Variants in ADAMTS18 observed in about 807,000 individuals in gnomAD.
ADAMTS18 encodes the protein ADAM metallopeptidase with thrombospondin type 1 motif 18, also known as A disintegrin and metalloproteinase with thrombospondin motifs 18.
In ADAMTS18, 157 loss-of-function variants were observed where a neutral mutation model predicts 165.9. The ratio of observed to expected loss-of-function variants is 0.95; its 90% CI spans 0.83 to 1.08. The LOEUF (loss-of-function observed/expected upper bound fraction) is 1.08. ADAMTS18 is among the 50% of genes least tolerant of loss of function. The pLI, the probability that ADAMTS18 is intolerant of heterozygous loss-of-function variation, is 0.00. For synonymous variants in ADAMTS18, 782 were observed against 578.2 expected, an observed-to-expected ratio of 1.35 and a Z score of -5.06; for missense variants, 2,040 against 1,534.0, an observed-to-expected ratio of 1.33 and a Z score of -5.51.
At chr16:77,360,608 A>G (rs536056069) in intron 7 of ADAMTS18, among the ~76,000 whole-genome samples, 1 of 152,266 alleles carries the variant, frequency 6.6e-6, no homozygotes, top group South Asian at 2.1e-4. Context: ...ATCATATGTC[A>G]CTTTGCACAT....
intron 3 of ADAMTS18, among the ~76,000 whole-genome samples, chr16:77,404,142 T>A (rs2057365840): frequency 6.6e-6 from 1 of 151,944 alleles, no homozygotes. Flanking sequence ...TAAAGACAAC[T>A]GTGTCTCCTA....
At chr16:77,284,807 G>GCTGT (rs1207021600) in intron 22 of ADAMTS18, among the ~76,000 whole-genome samples, 1 of 152,040 alleles carries the variant, frequency 6.6e-6, no homozygotes, top group Non-Finnish European at 1.5e-5. Flanking sequence ...ATTGAGAAGG[G>GCTGT]CTGTCAGAGG....
In ADAMTS18 at chr16:77,329,567, TTATAAC is replaced by T. The variant is rs145517886; in HGVS notation, c.1860-3535_1860-3530del. On this transcript the variant is annotated intron_variant, in intron 12 of 22. Transcript: ENST00000282849. ...CTAGGGCAGAGTCAGAATAAATAAA[TTATAAC>T]TATTTTTAAATGCCTTATGCTTTTG... is the stretch of plus-strand genomic sequence containing the variant. Among the ~76,000 whole-genome samples the T allele has an allele frequency of 4.2e-3, 634 of 152,296 alleles. 6 individuals carry two copies. Among genetic ancestry groups the T allele is most frequent in the African/African-American group, 0.015 (610 of 41,562 alleles).
chr16:77,384,670 G>A (rs2057080124), intron 3 of ADAMTS18, among the ~76,000 whole-genome samples: 1 of 152,128 alleles, frequency 6.6e-6, no homozygotes, highest in South Asian at 2.1e-4. Context: ...ACTGCCTGTA[G>A]CAGTGAAGAT....
At position 77,316,259 on chromosome 16, in the gene ADAMTS18, A is replaced by ATTTT. The variant is rs34042252; in HGVS notation, c.2532+3586_2532+3589dup. 2.3e-3 allele frequency among the ~76,000 whole-genome samples: 333 copies of ATTTT among 147,416 alleles called. 2 individuals carry two copies. Among genetic ancestry groups the ATTTT allele is most frequent in the East Asian group, 0.012 (58 of 4,978 alleles). On this transcript the variant is annotated intron_variant, in intron 16 of 22. Transcript: ENST00000282849. ...CTTATTTACATAGCAGCCTGGTTGAATTTTTTTTTTTTTTGAGACAGAGTC... is the reference window on the plus strand; with the variant it reads ...CTTATTTACATAGCAGCCTGGTTGAATTTTTTTTTTTTTTTTTTGAGACAGAGTC...
chr16:77,366,913 G>A (rs1237822457), intron 4 of ADAMTS18, among the ~76,000 whole-genome samples: 1 of 151,948 alleles, frequency 6.6e-6, no homozygotes, highest in East Asian at 1.9e-4. Flanking sequence ...AAAACTTGTG[G>A]CTATTAGAAA....
intron 16 of ADAMTS18, among the ~76,000 whole-genome samples, chr16:77,306,419 T>A (rs8063140): frequency 0.013 from 1,932 of 152,316 alleles, 45 homozygotes; most frequent in African/African-American, 0.044. Context: ...TTAAGGCACA[T>A]AAAATTAAAA....
At chr16:77,370,001 C>CA (rs1186699789) in intron 3 of ADAMTS18, among the ~76,000 whole-genome samples, 3 of 151,970 alleles carry the variant, frequency 2.0e-5, no homozygotes, top group Admixed American at 6.5e-5. Flanking sequence ...TTAATAGATG[C>CA]AAAAAAATGC....
At chr16:77,291,947 A>G (rs1280910051) in intron 20 of ADAMTS18, among the ~76,000 whole-genome samples, 1 of 152,182 alleles carries the variant, frequency 6.6e-6, no homozygotes, top group Non-Finnish European at 1.5e-5. Flanking sequence ...TTGCTCTTTA[A>G]ATATACCCAA....
chr16:77,419,996 G>T (rs1390183600), intron 3 of ADAMTS18, among the ~76,000 whole-genome samples: 4 of 86,462 alleles, frequency 4.6e-5, no homozygotes, highest in Non-Finnish European at 7.0e-5. Context: ...AGACTCTGTC[G>T]CAGATTAAAA....
In ADAMTS18 at chr16:77,335,870, T is replaced by G; in HGVS notation, c.1745A>C (p.Glu582Ala). ...GCCGTGGATGGGCCGGGGCCCGAGCTCCCCAAACTTTACGCACTGGCCTTG... is the reference window on the plus strand; with the variant it reads ...GCCGTGGATGGGCCGGGGCCCGAGCGCCCCAAACTTTACGCACTGGCCTTG... ...CRQGQCVKFG[E>A]LGPRPIHGQW... The change falls in exon 12 of 23, where the codon GAG becomes GCG. Residue 582 changes from glutamate (E) to alanine (A), a missense_variant. By Grantham distance (107) the Glu-to-Ala change is moderately radical (BLOSUM62 -1). Transcript: ENST00000282849. 2.5e-6 allele frequency: 4 copies of G among 1,614,094 alleles called. No homozygotes were observed. Among genetic ancestry groups the G allele is most frequent in the Non-Finnish European group, 3.4e-6 (4 of 1,180,014 alleles).
chr16:77,366,683 A>G (rs1374828500), intron 4 of ADAMTS18, among the ~76,000 whole-genome samples: 1 of 152,252 alleles, frequency 6.6e-6, no homozygotes, highest in Non-Finnish European at 1.5e-5. Context: ...TATACAAGTT[A>G]AATGCAGATT....
chr16:77,368,226 T>C (rs964970919), intron 3 of ADAMTS18, among the ~76,000 whole-genome samples: 1 of 152,106 alleles, frequency 6.6e-6, no homozygotes, highest in Non-Finnish European at 1.5e-5. Context: ...AAAGCTAGCA[T>C]GGGCACCCAG....
At chr16:77,376,641 T>G (rs568175465) in intron 3 of ADAMTS18, among the ~76,000 whole-genome samples, 1 of 152,278 alleles carries the variant, frequency 6.6e-6, no homozygotes, top group Admixed American at 6.5e-5. Flanking sequence ...ATACAGAAAT[T>G]CCATTATGTG....
At chr16:77,319,516 A>C (rs938705208) in intron 16 of ADAMTS18, among the ~76,000 whole-genome samples, 1 of 152,264 alleles carries the variant, frequency 6.6e-6, no homozygotes, top group South Asian at 2.1e-4. Context: ...ATCTTGGCTC[A>C]CTGCAACTTC....
intron 3 of ADAMTS18, among the ~76,000 whole-genome samples, chr16:77,407,766 C>T (rs2057411321): frequency 6.6e-6 from 1 of 151,938 alleles, no homozygotes; most frequent in Non-Finnish European, 1.5e-5. Flanking sequence ...CCTGCATTTC[C>T]TATCATCCAA....
intron 3 of ADAMTS18, among the ~76,000 whole-genome samples, chr16:77,422,670 G>A (rs2057618976): frequency 6.6e-6 from 1 of 151,584 alleles, no homozygotes; most frequent in Non-Finnish European, 1.5e-5. Flanking sequence ...GATAGAGGAA[G>A]GAAAGGATGA....
In ADAMTS18 at chr16:77,282,713, T is replaced by C. The variant is rs923786124; in HGVS notation, c.*1243A>G. ...ACACAGTATTATAATTACTTTGGTT[T>C]TGGCAAAATAGTGTGATGTTTTTTC... On this transcript the variant is annotated 3_prime_UTR_variant, in exon 23 of 23. Transcript: ENST00000282849. 3 of 152,712 alleles carry C rather than the reference T, an allele frequency of 2.0e-5. No homozygotes were observed. Among genetic ancestry groups the C allele is most frequent in the South Asian group, 4.1e-4 (2 of 4,826 alleles). The allele number at this position is 152,712 out of a possible 1,614,324, so 9.5% of individuals were successfully genotyped here.
At chr16:77,360,581 A>AAACACC (rs57517352) in intron 7 of ADAMTS18, among the ~76,000 whole-genome samples, 1 of 151,490 alleles carries the variant, frequency 6.6e-6, no homozygotes, top group East Asian at 1.9e-4. Context: ...TCTCTCTTGA[A>AAACACC]AACAATGCAC....
Sources: allele counts gnomAD v4.1 joint callset (sites outside exome capture counted in the v4.1 genomes callset), GRCh38; gene constraint gnomAD v4.1.1; transcripts MANE v1.5; gene names NCBI Gene and HGNC (gene_info 2026-07-23, HGNC 2026-07-21).